Variants in SMIM41 observed in about 807,000 individuals in gnomAD.
SMIM41 encodes the protein small integral membrane protein 41.
rs1939854366 is a variant in SMIM41, at chr12:52,083,934, G to GAGAGGAGAGAAGAGA, written c.*171_*185dup. The GAGAGGAGAGAAGAGA allele has an allele frequency of 6.6e-6, 1 of 151,584 alleles. No homozygotes were observed. The highest frequency in any genetic ancestry group is 2.4e-5 in the African/African-American group (1 of 40,848). 9.4% of individuals were successfully genotyped at this position (151,584 alleles called of 1,614,324 possible). A position where few individuals can be genotyped will look rare whatever the true frequency, so the allele number is the denominator to read the frequency against. On this transcript the variant is annotated 3_prime_UTR_variant, in exon 2 of 3. Transcript: ENST00000546390. ...AAGAGGAGAGGAGAGAAGAGAAGAA[G>GAGAGGAGAGAAGAGA]AGAGGAGAGAAGAGAAGAGGAGAGG...
At chr12:52,080,367 G>C (rs1321793605) in intron 1 of SMIM41, among the ~76,000 whole-genome samples, 186 bp downstream of exon 1, 4 of 152,176 alleles carry the variant, frequency 2.6e-5, no homozygotes, top group South Asian at 2.1e-4. Context: ...CCAGGTGTGC[G>C]GGATCAGGAG....
At chr12:52,084,301 C>T (rs1432019904) in intron 2 of SMIM41, among the ~76,000 whole-genome samples, 15 of 151,286 alleles carry the variant, frequency 9.9e-5, no homozygotes, top group Admixed American at 7.9e-4. Flanking sequence ...CAGTGAGCCG[C>T]GATCGTGCCA....
At position 52,098,637 on chromosome 12, in the gene SMIM41, C is replaced by T. The variant is rs193212039; in HGVS notation, c.*196-8742C>T. ...TTGCTGTCATCTAATTGTCTCTCCC[C>T]TAGATATTAGGAAAAATGTAACCGG... On this transcript the variant is annotated intron_variant, in intron 2 of 2. Transcript: ENST00000546390. Among the ~76,000 whole-genome samples the T allele has an allele frequency of 1.5e-3, 226 of 151,372 alleles. No homozygotes were observed. In the Middle Eastern group the frequency reaches 0.017, roughly 12 times the overall value.
Position 52,107,811 on chromosome 12 carries a change from G to A in SMIM41, c.*628G>A. On this transcript the variant is annotated 3_prime_UTR_variant, in exon 3 of 3. Coordinates refer to ENST00000546390, the MANE Select transcript of SMIM41 (RefSeq NM_001369216.1). ...TTCTCAGTCTTTTAGACTCCCAGCTGTACAACTTGATTGCCTTACTAATGA... is the reference window on the plus strand; with the variant it reads ...TTCTCAGTCTTTTAGACTCCCAGCTATACAACTTGATTGCCTTACTAATGA... 2.7e-6 allele frequency: 1 copy of A among 366,614 alleles called. No homozygotes were observed. The highest frequency in any genetic ancestry group is 2.1e-5 in the South Asian group (1 of 46,580). The allele number at this position is 366,614 out of a possible 1,614,324, so 22.7% of individuals were successfully genotyped here.
chr12:52,105,153 G>A (rs1940308857), intron 2 of SMIM41, among the ~76,000 whole-genome samples: 1 of 152,212 alleles, frequency 6.6e-6, no homozygotes, highest in African/African-American at 2.4e-5. Context: ...CGATGCCCCT[G>A]CTCACTGTGC....
chr12:52,084,224 A>C (rs971195197), intron 2 of SMIM41, among the ~76,000 whole-genome samples: 1 of 152,048 alleles, frequency 6.6e-6, no homozygotes, highest in African/African-American at 2.4e-5. Context: ...AAATACAAAA[A>C]TTAGCTGGAT....
intron 2 of SMIM41, among the ~76,000 whole-genome samples, chr12:52,089,314 G>T (rs1939944176): frequency 6.6e-6 from 1 of 152,056 alleles, no homozygotes; most frequent in East Asian, 1.9e-4. Context: ...CTGTAGGGGG[G>T]TCGGGTGGGG....
At chr12:52,100,565 T>C (rs1376331153) in intron 2 of SMIM41, among the ~76,000 whole-genome samples, 1 of 151,390 alleles carries the variant, frequency 6.6e-6, no homozygotes, top group Non-Finnish European at 1.5e-5. Context: ...CAAGCGATTC[T>C]CCTGTCTCAG....
intron 2 of SMIM41, among the ~76,000 whole-genome samples, chr12:52,095,906 C>T (rs1940084591): frequency 3.3e-5 from 5 of 151,972 alleles, no homozygotes; most frequent in East Asian, 1.9e-4. Context: ...CAATATCACA[C>T]GGGTTTGTAC....
intron 2 of SMIM41, among the ~76,000 whole-genome samples, chr12:52,106,588 C>T (rs546710734): frequency 1.2e-3 from 177 of 152,262 alleles, no homozygotes; most frequent in Non-Finnish European, 2.1e-3. Context: ...GTGATCTGCC[C>T]TCCTCGGCCT....
chr12:52,095,096 C>A (rs1940067425), intron 2 of SMIM41, among the ~76,000 whole-genome samples: 1 of 151,566 alleles, frequency 6.6e-6, no homozygotes, highest in Admixed American at 6.5e-5. Context: ...CAGGCATGTG[C>A]CATCACACCC....
chr12:52,082,537 G>T (rs544277577), intron 1 of SMIM41, among the ~76,000 whole-genome samples: 1 of 152,318 alleles, frequency 6.6e-6, no homozygotes, highest in East Asian at 1.9e-4. Flanking sequence ...GGGCAGGAAA[G>T]AATGTGGAAA....
At chr12:52,100,070 G>C (rs188594980) in intron 2 of SMIM41, among the ~76,000 whole-genome samples, 2 of 152,054 alleles carry the variant, frequency 1.3e-5, no homozygotes, top group African/African-American at 4.8e-5. Context: ...GATATTGGAA[G>C]TAATATGATC....
chr12:52,079,741 C>A lies in SMIM41; in HGVS notation c.-39C>A. 1 of 392,382 alleles carries A rather than the reference C, an allele frequency of 2.5e-6. No individual in the cohort carries two copies. The highest frequency in any genetic ancestry group is 3.6e-5 in the East Asian group (1 of 27,526). The allele number at this position is 392,382 out of a possible 1,614,324, so 24.3% of individuals were successfully genotyped here. On this transcript the variant is annotated 5_prime_UTR_variant, in exon 1 of 3. The change creates a new upstream start codon in the 5' untranslated region. Coordinates refer to ENST00000546390, the MANE Select transcript of SMIM41 (RefSeq NM_001369216.1). ...CCCGCCAGTCTGGGCTCCTGCACAT[C>A]TGGCGATCCCGCCACATCTGGGCAG...
At chr12:52,106,909 G>C (rs112569395) in intron 2 of SMIM41, among the ~76,000 whole-genome samples, 2 of 152,166 alleles carry the variant, frequency 1.3e-5, no homozygotes, top group African/African-American at 4.8e-5. Context: ...AAGGAAATTT[G>C]TATCAATCTA....
chr12:52,093,221 A>C (rs1408455094), intron 2 of SMIM41, among the ~76,000 whole-genome samples: 1 of 151,884 alleles, frequency 6.6e-6, no homozygotes, highest in Non-Finnish European at 1.5e-5. Flanking sequence ...CAAACAAAAA[A>C]CCCCACACAT....
chr12:52,085,554 G>C (rs1436140086), intron 2 of SMIM41, among the ~76,000 whole-genome samples: 22 of 152,202 alleles, frequency 1.4e-4, no homozygotes, highest in Non-Finnish European at 2.5e-4. Flanking sequence ...ATGTGAGGCA[G>C]GACATTGGCT....
rs1051069854 is a variant in SMIM41 at position 52,079,961 on chromosome 12, G to A, written c.182G>A (p.Arg61His). ...TTCCTGGGCGGCGGCCTCCTCCTCC[G>A]CGCCCAGGGCCTGACAGCGCTGCTG... ...VLFLGGGLLL[R>H]AQGLTALLTR... Residue 61 changes from arginine to histidine, a missense_variant, in exon 1 of 3, where the codon CGC becomes CAC. By Grantham distance (29) the Arg-to-His change is conservative. Transcript: ENST00000546390. 14 of 383,858 alleles carry A rather than the reference G, an allele frequency of 3.6e-5. No individual in the cohort carries two copies. The highest frequency in any genetic ancestry group is 6.5e-5 in the Non-Finnish European group (14 of 216,610). 23.8% of individuals were successfully genotyped at this position (383,858 alleles called of 1,614,324 possible).
At chr12:52,095,386 C>G (rs561434580) in intron 2 of SMIM41, among the ~76,000 whole-genome samples, 1 of 151,952 alleles carries the variant, frequency 6.6e-6, no homozygotes. Context: ...TTATGATCCA[C>G]GGTGGTCCCA....
Sources: gnomAD v4.1 joint callset for allele counts (sites outside exome capture counted in the v4.1 genomes callset) on GRCh38, gnomAD v4.1.1 for gene constraint, MANE v1.5 for transcripts, NCBI Gene and HGNC (gene_info 2026-07-23, HGNC 2026-07-21) for gene names.